The following BLOC1S6 variants were observed in gnomAD, a reference collection of about 807,000 sequenced individuals.
BLOC1S6 encodes the protein biogenesis of lysosomal organelles complex 1 subunit 6.
In BLOC1S6, 24 loss-of-function variants were observed where a neutral mutation model predicts 24.7. The ratio of observed to expected loss-of-function variants is 0.97; its 90% CI spans 0.70 to 1.37. The LOEUF is 1.37. Ranked by LOEUF, BLOC1S6 falls within the 40% of genes most tolerant of loss-of-function variation. BLOC1S6 has a pLI of 0.00. For synonymous variants in BLOC1S6, 76 were observed against 72.6 expected, an observed-to-expected ratio of 1.05 and a Z score of -0.23; for missense variants, 175 against 196.2, an observed-to-expected ratio of 0.89 and a Z score of 0.64.
At chr15:45,591,071 A>G (rs1005690781) in intron 1 of BLOC1S6, among the ~76,000 whole-genome samples, 2 of 152,210 alleles carry the variant, frequency 1.3e-5, no homozygotes, top group African/African-American at 4.8e-5. Flanking sequence ...ATTCAAAGGA[A>G]AGTGATGAGG....
intron 2 of BLOC1S6, among the ~76,000 whole-genome samples, chr15:45,595,278 A>AGG (rs1894029930): frequency 6.6e-6 from 1 of 152,200 alleles, no homozygotes; most frequent in Non-Finnish European, 1.5e-5. Context: ...TTGAAGCTCT[A>AGG]GGGGCCCATC....
intron 3 of BLOC1S6, among the ~76,000 whole-genome samples, chr15:45,603,969 G>A (rs956125476): frequency 1.2e-4 from 18 of 152,240 alleles, no homozygotes; most frequent in African/African-American, 4.1e-4. Context: ...AAGTTCTATA[G>A]CTTTTTGATG....
chr15:45,589,888 A>G (rs1180831480), intron 1 of BLOC1S6, among the ~76,000 whole-genome samples: 1 of 152,348 alleles, frequency 6.6e-6, no homozygotes, highest in South Asian at 2.1e-4. Context: ...GACTCATCCA[A>G]TAATTAACCA....
At chr15:45,597,692 G>T (rs1001554532) in intron 2 of BLOC1S6, among the ~76,000 whole-genome samples, 7 of 152,154 alleles carry the variant, frequency 4.6e-5, no homozygotes, top group Admixed American at 1.3e-4. Flanking sequence ...ACATAGGAAA[G>T]AAATTGACTT....
intron 3 of BLOC1S6, among the ~76,000 whole-genome samples, 163 bp from the exon 4 acceptor site, chr15:45,605,265 A>G (rs1894408151): frequency 6.6e-6 from 1 of 152,234 alleles, no homozygotes; most frequent in Admixed American, 6.5e-5. Flanking sequence ...CCTACTAACA[A>G]TATAAGGAAA....
intron 3 of BLOC1S6, 79 bp downstream of exon 3, chr15:45,603,266 ATTTTAAG>A: frequency 4.5e-6 from 4 of 884,646 alleles, no homozygotes; most frequent in Non-Finnish European, 7.3e-6. Context: ...AATAGCTAAG[ATTTTAAG>A]CTTAGAATTT....
intron 2 of BLOC1S6, among the ~76,000 whole-genome samples, chr15:45,602,122 C>G (rs1270820750): frequency 6.6e-6 from 1 of 151,938 alleles, no homozygotes; most frequent in Non-Finnish European, 1.5e-5. Flanking sequence ...TCTTGAATTC[C>G]TGGCTTCAAG....
intron 2 of BLOC1S6, among the ~76,000 whole-genome samples, chr15:45,594,240 A>G (rs1893987808): frequency 6.6e-6 from 1 of 152,182 alleles, no homozygotes; most frequent in East Asian, 1.9e-4. Context: ...AACAATGAGT[A>G]AGGAAGACCA....
intron 2 of BLOC1S6, among the ~76,000 whole-genome samples, chr15:45,592,878 G>T (rs1055128539): frequency 6.6e-6 from 1 of 152,162 alleles, no homozygotes; most frequent in Non-Finnish European, 1.5e-5. Context: ...CTCCTCCTGG[G>T]TCGGGACCTC....
rs1220499107 is a variant in BLOC1S6 at position 45,607,633 on chromosome 15, T to A, written c.*1119T>A. ...ACTAGAAATACAAAAATTAGCTGGGTGTGGGGGCGTGCGCCTGTAGTCCCA... is the reference window on the plus strand; with the variant it reads ...ACTAGAAATACAAAAATTAGCTGGGAGTGGGGGCGTGCGCCTGTAGTCCCA... On this transcript the variant is annotated 3_prime_UTR_variant, in exon 5 of 5. Transcript: ENST00000220531. 1 of 152,144 alleles carries A rather than the reference T, an allele frequency of 6.6e-6. No homozygotes were observed. The highest frequency in any genetic ancestry group is 6.6e-5 in the Admixed American group (1 of 15,262). The allele number at this position is 152,144 out of a possible 1,614,324, so 9.4% of individuals were successfully genotyped here.
intron 2 of BLOC1S6, among the ~76,000 whole-genome samples, chr15:45,596,398 A>T (rs1204953329): frequency 6.6e-6 from 1 of 150,766 alleles, no homozygotes; most frequent in Non-Finnish European, 1.5e-5. Context: ...GGGTTTCACC[A>T]TATTGCCCTG....
intron 2 of BLOC1S6, among the ~76,000 whole-genome samples, chr15:45,602,068 T>G (rs186607098): frequency 2.3e-4 from 35 of 151,994 alleles, no homozygotes; most frequent in East Asian, 5.8e-4. Context: ...GTGTGTGTGT[T>G]TTTTTTGTTT....
intron 2 of BLOC1S6, among the ~76,000 whole-genome samples, chr15:45,595,773 T>G (rs1793236246): frequency 1.3e-5 from 2 of 152,308 alleles, no homozygotes; most frequent in South Asian, 4.1e-4. Flanking sequence ...TAGTTTTGCA[T>G]TTTACATTTA....
At chr15:45,593,798 A>G (rs1893974339) in intron 2 of BLOC1S6, among the ~76,000 whole-genome samples, 1 of 152,174 alleles carries the variant, frequency 6.6e-6, no homozygotes, top group South Asian at 2.1e-4. Flanking sequence ...CTATATGCCC[A>G]GCACTTTAAC....
chr15:45,587,580 C>A lies in BLOC1S6; in HGVS notation c.82+55C>A, dbSNP rs528794418. ...CGGGCTGGGTGTGAGGGGCGGGGAC[C>A]TGAGTGAGTAGAACTCCGGAGAAAC... is the stretch of plus-strand genomic sequence containing the variant. On this transcript the variant is annotated intron_variant, in intron 1 of 4. Coordinates refer to ENST00000220531, the MANE Select transcript of BLOC1S6 (RefSeq NM_012388.4). 455 of 1,485,024 alleles carry A rather than the reference C, an allele frequency of 3.1e-4. 1 individual carries two copies. The African/African-American group carries it at 5.9e-3, about 19-fold the overall frequency. The allele number at this position is 1,485,024 out of a possible 1,614,324, so 92.0% of individuals were successfully genotyped here.
intron 1 of BLOC1S6, among the ~76,000 whole-genome samples, chr15:45,590,069 T>G (rs533749418): frequency 6.6e-6 from 1 of 152,316 alleles, no homozygotes; most frequent in South Asian, 2.1e-4. Context: ...AGTTGCTGAT[T>G]GCATTGTTAT....
Position 45,587,400 on chromosome 15 carries a change from G to A in BLOC1S6, c.-44G>A, listed in dbSNP as rs916640458. On this transcript the variant is annotated 5_prime_UTR_variant, in exon 1 of 5. Coordinates refer to ENST00000220531, the MANE Select transcript of BLOC1S6 (RefSeq NM_012388.4). ...CGTTAGGTGCCGCCTTGCTTCTGAC[G>A]AGCCACACGTTTGCTTCTTCCCTGT... The A allele has an allele frequency of 3.9e-6, 6 of 1,526,534 alleles. No homozygotes were observed. The highest frequency in any genetic ancestry group is 4.5e-6 in the Non-Finnish European group (5 of 1,123,376). The allele number at this position is 1,526,534 out of a possible 1,614,324, so 94.6% of individuals were successfully genotyped here.
intron 4 of BLOC1S6, 168 bp downstream of exon 4, chr15:45,605,682 G>A (rs1231766014): frequency 1.7e-5 from 9 of 544,970 alleles, no homozygotes; most frequent in Middle Eastern, 5.4e-4. Context: ...CTCTGCCTCC[G>A]GGGTTGAAGC....
intron 2 of BLOC1S6, among the ~76,000 whole-genome samples, chr15:45,593,669 A>T (rs190660334): frequency 1.2e-4 from 19 of 152,312 alleles, no homozygotes; most frequent in Non-Finnish European, 2.2e-4. Context: ...TTAATTGATG[A>T]TGATATTGTC....
Sources: gnomAD v4.1 joint callset for allele counts (sites outside exome capture counted in the v4.1 genomes callset) on GRCh38, gnomAD v4.1.1 for gene constraint, MANE v1.5 for transcripts, NCBI Gene and HGNC (gene_info 2026-07-23, HGNC 2026-07-21) for gene names.